PIK3C2G: variants seen among roughly 807,000 people sequenced by gnomAD.
The protein encoded by PIK3C2G is phosphatidylinositol 3-kinase C2 domain-containing subunit gamma.
In PIK3C2G, 168 loss-of-function variants were observed where a neutral mutation model predicts 181.1. That is an observed-to-expected ratio of 0.93 (90% CI 0.82 to 1.05). PIK3C2G has a LOEUF of 1.05. PIK3C2G is among the 50% of genes least tolerant of loss of function. The pLI is 0.00. For missense variants in PIK3C2G, 1,869 were observed against 1,732.8 expected, an observed-to-expected ratio of 1.08 and a Z score of -1.40; for synonymous variants, 573 against 592.2, an observed-to-expected ratio of 0.97 and a Z score of 0.47.
At chr12:18,668,005 A>C in the PIK3C2G span, among the ~76,000 whole-genome samples, 1 of 152,314 alleles carries the variant, frequency 6.6e-6, no homozygotes, top group African/African-American at 2.4e-5. Flanking sequence ...TTTTTACCTA[A>C]GGTCTACCTT....
intron 11 of PIK3C2G, among the ~76,000 whole-genome samples, chr12:18,350,567 T>C (rs900194918): frequency 2.6e-5 from 4 of 152,164 alleles, no homozygotes; most frequent in Non-Finnish European, 4.4e-5. Flanking sequence ...CCCATAACCT[T>C]TGCCATTAAA....
chr12:18,449,358 A>G (rs1947214392), intron 18 of PIK3C2G, among the ~76,000 whole-genome samples: 1 of 152,080 alleles, frequency 6.6e-6, no homozygotes, highest in Non-Finnish European at 1.5e-5. Context: ...GTAGGTATAC[A>G]TGTGCCATGG....
chr12:18,323,575 G>A (rs1951202992), intron 7 of PIK3C2G, among the ~76,000 whole-genome samples: 1 of 151,682 alleles, frequency 6.6e-6, no homozygotes, highest in African/African-American at 2.4e-5. Flanking sequence ...TTTACTTTTG[G>A]GGATACAATG....
chr12:18,557,094 C>T (rs934988500), intron 26 of PIK3C2G, among the ~76,000 whole-genome samples: 1 of 152,100 alleles, frequency 6.6e-6, no homozygotes, highest in Non-Finnish European at 1.5e-5. Context: ...CATTCAACAT[C>T]CATTCCTCCT....
At chr12:18,542,577 A>G (rs1340829115) in intron 25 of PIK3C2G, among the ~76,000 whole-genome samples, 1 of 151,776 alleles carries the variant, frequency 6.6e-6, no homozygotes, top group Non-Finnish European at 1.5e-5. Flanking sequence ...CCCCTCAAGT[A>G]GATCCCAGTG....
the PIK3C2G span, chr12:18,705,040 A>G: frequency 8.6e-7 from 1 of 1,156,988 alleles, no homozygotes; most frequent in Non-Finnish European, 1.3e-6. Flanking sequence ...GCAAAAATAA[A>G]CCTCTATACG....
At chr12:18,381,934 T>C in intron 14 of PIK3C2G, 54 bp downstream of exon 14, 4 of 1,027,626 alleles carry the variant, frequency 3.9e-6, no homozygotes, top group Non-Finnish European at 6.2e-6. Flanking sequence ...GGTTGATACG[T>C]AGTTTGTTGT....
chr12:18,339,124 A>AT (rs746014713), intron 9 of PIK3C2G, among the ~76,000 whole-genome samples: 3 of 152,030 alleles, frequency 2.0e-5, no homozygotes, highest in Non-Finnish European at 4.4e-5. Flanking sequence ...GCATTATGTG[A>AT]TTTTCTTTTG....
At chr12:18,434,247 T>C (rs1946322948) in intron 18 of PIK3C2G, among the ~76,000 whole-genome samples, 1 of 152,144 alleles carries the variant, frequency 6.6e-6, no homozygotes, top group Non-Finnish European at 1.5e-5. Flanking sequence ...CATGAACCCA[T>C]TCATGAGTGA....
chr12:18,672,481 A>G, the PIK3C2G span, among the ~76,000 whole-genome samples: 1 of 152,230 alleles, frequency 6.6e-6, no homozygotes, highest in Non-Finnish European at 1.5e-5. Flanking sequence ...GTATAAATCT[A>G]GGTTAAAACA....
chr12:18,502,829 C>A (rs548962546), intron 22 of PIK3C2G, among the ~76,000 whole-genome samples: 5 of 152,120 alleles, frequency 3.3e-5, no homozygotes, highest in Non-Finnish European at 7.4e-5. Flanking sequence ...AACTGTGAAG[C>A]TTTTTTTAAC....
chr12:18,373,878 A>G (rs1020861239), intron 13 of PIK3C2G, among the ~76,000 whole-genome samples: 8 of 152,068 alleles, frequency 5.3e-5, no homozygotes, highest in Non-Finnish European at 1.0e-4. Context: ...CTCAAGTCCA[A>G]AGGTAAATTT....
At chr12:18,435,907 T>C (rs1946418885) in intron 18 of PIK3C2G, among the ~76,000 whole-genome samples, 1 of 151,846 alleles carries the variant, frequency 6.6e-6, no homozygotes. Context: ...TACTTGACCA[T>C]TTCCCTTCCT....
At chr12:18,279,155 C>T (rs1423804955) in intron 1 of PIK3C2G, among the ~76,000 whole-genome samples, 1 of 151,984 alleles carries the variant, frequency 6.6e-6, no homozygotes, top group Non-Finnish European at 1.5e-5. Flanking sequence ...TCATGTTCAC[C>T]CATATGCCTC....
chr12:18,343,716 G>C (rs928614213), intron 10 of PIK3C2G, among the ~76,000 whole-genome samples: 1 of 152,020 alleles, frequency 6.6e-6, no homozygotes, highest in African/African-American at 2.4e-5. Flanking sequence ...TTTGATGTAA[G>C]AAAAATTAGA....
At chr12:18,384,481 A>G (rs1206995373) in intron 14 of PIK3C2G, among the ~76,000 whole-genome samples, 1 of 152,184 alleles carries the variant, frequency 6.6e-6, no homozygotes. Flanking sequence ...ATTTCTTGAC[A>G]GGTCCAAACC....
intron 23 of PIK3C2G, among the ~76,000 whole-genome samples, chr12:18,504,386 C>A (rs138028282): frequency 6.6e-6 from 1 of 152,128 alleles, no homozygotes; most frequent in Admixed American, 6.5e-5. Flanking sequence ...CCAAATACAT[C>A]GCTCTTCACA....
intron 15 of PIK3C2G, among the ~76,000 whole-genome samples, chr12:18,392,329 CT>C (rs1943587112): frequency 6.6e-6 from 1 of 152,074 alleles, no homozygotes; most frequent in African/African-American, 2.4e-5. Context: ...CCCTCCCATA[CT>C]AGGGCACTGA....
At chr12:18,666,202 A>C in the PIK3C2G span, among the ~76,000 whole-genome samples, 1 of 152,138 alleles carries the variant, frequency 6.6e-6, no homozygotes, top group Non-Finnish European at 1.5e-5. Context: ...GATATTGCCT[A>C]TAGAAAACAA....
Sources: gnomAD v4.1 joint callset for allele counts (sites outside exome capture counted in the v4.1 genomes callset) on GRCh38, gnomAD v4.1.1 for gene constraint, MANE v1.5 for transcripts, NCBI Gene and HGNC (gene_info 2026-07-23, HGNC 2026-07-21) for gene names.